The following CMYA5 variants were observed in gnomAD, a reference collection of about 807,000 sequenced individuals.
The protein encoded by CMYA5 is cardiomyopathy associated 5.
CMYA5 carries 246 observed loss-of-function variants against 318.9 expected under a neutral mutation model. The ratio of observed to expected loss-of-function variants is 0.77; its 90% CI spans 0.70 to 0.86. The LOEUF (loss-of-function observed/expected upper bound fraction) is 0.86, where lower values mean the gene tolerates loss of function less well. Among genes scored for constraint, CMYA5 ranks in the 40% least tolerant of loss-of-function variants. CMYA5 has a pLI of 0.00. For synonymous variants in CMYA5, 1,641 were observed against 1,729.5 expected, an observed-to-expected ratio of 0.95 and a Z score of 1.27; for missense variants, 4,589 against 4,678.2, an observed-to-expected ratio of 0.98 and a Z score of 0.56.
intron 2 of CMYA5, among the ~76,000 whole-genome samples, chr5:79,742,335 T>A (rs1227475979): frequency 6.6e-6 from 1 of 151,826 alleles, no homozygotes; most frequent in African/African-American, 2.4e-5. Flanking sequence ...TAGAGACACA[T>A]GCCATCACAC....
chr5:79,774,672 A>G (rs1580800892), intron 9 of CMYA5, among the ~76,000 whole-genome samples: 1 of 152,142 alleles, frequency 6.6e-6, no homozygotes, highest in Non-Finnish European at 1.5e-5. Flanking sequence ...CCTCCAGGGC[A>G]AGCATTTCCA....
chr5:79,746,499 G>C (rs998228541), intron 4 of CMYA5, among the ~76,000 whole-genome samples: 2 of 111,884 alleles, frequency 1.8e-5, no homozygotes. Flanking sequence ...CCTTATCTTT[G>C]TTCTGTAAGA....
At chr5:79,768,780 G>T (rs1828802408) in intron 9 of CMYA5, among the ~76,000 whole-genome samples, 1 of 152,080 alleles carries the variant, frequency 6.6e-6, no homozygotes, top group Admixed American at 6.5e-5. Context: ...TCTTGGGGTT[G>T]CTTTTCTCAA....
Position 79,730,143 on chromosome 5 carries a change from C to A in CMYA5, c.1378C>A (p.Leu460Met). The change falls in exon 2 of 13, where the codon CTG becomes ATG. Residue 460 changes from leucine (L) to methionine (M), a missense_variant. Physicochemically the swap from Leu to Met is conservative, Grantham distance 15. Around this residue, in one of 3 missense-constraint regions of CMYA5, gnomAD observed 2,132 missense variants for 2,131.3 expected, o/e 1.00. Transcript: ENST00000446378. The stretch of plus-strand genomic sequence containing the variant: ...GGACCCAGACCAAGAACAGCCGGAC[C>A]TGACTTCAATAGAAAGGGCAGAACC... ...GLDPDQEQPD[L>M]TSIERAEPVS... is the part of the protein sequence containing the mutation. 1 of 1,613,832 alleles carries A rather than the reference C, an allele frequency of 6.2e-7. No homozygotes were observed. Among genetic ancestry groups the A allele is most frequent in the Non-Finnish European group, 8.5e-7 (1 of 1,179,876 alleles).
Position 79,735,767 on chromosome 5 carries a change from T to C in CMYA5, c.7002T>C (p.Thr2334=). 1.3e-6 allele frequency: 2 copies of C among 1,572,008 alleles called. No homozygotes were observed. Among genetic ancestry groups the C allele is most frequent in the Non-Finnish European group, 1.7e-6 (2 of 1,165,734 alleles). The change falls in exon 2 of 13, where the codon ACT becomes ACC. Residue 2334 remains threonine (T), a synonymous_variant. Transcript: ENST00000446378. ...AATTGGTTATGGAAGAAGCCAAAAC[T>C]ATTGTTCCTCCTCATGTTACTGATA... ...GEKLVMEEAK[T]IVPPHVTDSK... is the part of the protein sequence containing the mutation.
chr5:79,737,234 A>G lies in CMYA5; in HGVS notation c.8469A>G (p.Gly2823=). The change falls in exon 2 of 13, where the codon GGA becomes GGG. Residue 2823 remains glycine (G), a synonymous_variant. Transcript: ENST00000446378. ...SPVKPQTLAS[G]ASPEINAVKK... ...TAAAACCACAAACTCTTGCTTCAGGAGCTTCTCCAGAAATTAACGCAGTGA... is the reference window on the plus strand; with the variant it reads ...TAAAACCACAAACTCTTGCTTCAGGGGCTTCTCCAGAAATTAACGCAGTGA... 1.2e-6 allele frequency: 2 copies of G among 1,613,734 alleles called. No individual in the cohort carries two copies. Among genetic ancestry groups the G allele is most frequent in the Non-Finnish European group, 1.7e-6 (2 of 1,179,774 alleles).
At chr5:79,693,335 A>C (rs953037615) in intron 1 of CMYA5, among the ~76,000 whole-genome samples, 1 of 104,736 alleles carries the variant, frequency 9.5e-6, no homozygotes, top group Non-Finnish European at 1.7e-5. Context: ...AAAGTCACAC[A>C]ATTTTTTTTT....
At chr5:79,751,432 A>G (rs1414294383) in intron 5 of CMYA5, among the ~76,000 whole-genome samples, 1 of 152,004 alleles carries the variant, frequency 6.6e-6, no homozygotes, top group African/African-American at 2.4e-5. Context: ...ACCCAGCCCA[A>G]ATGTTACCTC....
In CMYA5 at chr5:79,745,391, CCAAAGACA is replaced by C; in HGVS notation, c.10906_10913del (p.Lys3636ProfsTer12). On this transcript the variant is annotated frameshift_variant, in exon 4 of 13. Coordinates refer to ENST00000446378, the MANE Select transcript of CMYA5 (RefSeq NM_153610.5). LOFTEE classifies it high-confidence loss of function. ...CACTTTCTGCAGAGCATGGACACTG[CCAAAGACA>C]CCCTGGAGACCATCGTGAGAGAAGC... is the stretch of plus-strand genomic sequence containing the variant. The C allele has an allele frequency of 1.2e-6, 2 of 1,613,966 alleles. No individual in the cohort carries two copies. The highest frequency in any genetic ancestry group is 4.5e-5 in the East Asian group (2 of 44,874).
At chr5:79,701,184 G>T (rs983458012) in intron 1 of CMYA5, among the ~76,000 whole-genome samples, 1 of 152,000 alleles carries the variant, frequency 6.6e-6, no homozygotes. Flanking sequence ...AGCAGGTAGA[G>T]GTTGTAGTGA....
chr5:79,738,966 A>G lies in CMYA5; in HGVS notation c.10201A>G (p.Ile3401Val), dbSNP rs897319089. The change falls in exon 2 of 13, where the codon ATC becomes GTC. Residue 3401 changes from isoleucine (I) to valine (V), a missense_variant. Physicochemically the swap from Ile to Val is conservative, Grantham distance 29. Coordinates refer to ENST00000446378, the MANE Select transcript of CMYA5 (RefSeq NM_153610.5). ...AGAAACATCACTAGAAGAACCTAAA[A>G]TCCTGGTCCCACCTGAGCCAAGTGA... ...VQETSLEEPKILVPPEPSEER... is the reference protein window; with the variant it reads ...VQETSLEEPKVLVPPEPSEER... The G allele has an allele frequency of 2.7e-5, 44 of 1,613,742 alleles. No homozygotes were observed. In the Admixed American group the frequency reaches 7.3e-4, roughly 27 times the overall value.
intron 9 of CMYA5, among the ~76,000 whole-genome samples, chr5:79,773,777 C>CT (rs1354751571): frequency 6.6e-6 from 1 of 152,214 alleles, no homozygotes; most frequent in Non-Finnish European, 1.5e-5. Flanking sequence ...ATCTAACTGG[C>CT]TGGATCTCCA....
chr5:79,735,734 C>G lies in CMYA5; in HGVS notation c.6969C>G (p.Ile2323Met), dbSNP rs777639690. 4 of 1,595,346 alleles carry G rather than the reference C, an allele frequency of 2.5e-6. No individual in the cohort carries two copies. Among genetic ancestry groups the G allele is most frequent in the Non-Finnish European group, 3.4e-6 (4 of 1,174,258 alleles). ...ENLEIQSYSL[I>M]GEKLVMEEAK... ...TTGAAATTCAATCTTATTCACTAAT[C>G]GGTGAGAAATTGGTTATGGAAGAAG... The change falls in exon 2 of 13, where the codon ATC becomes ATG. Residue 2323 changes from isoleucine (I) to methionine (M), a missense_variant. Ile to Met is a conservative substitution (Grantham distance 10). Around this residue, in one of 3 missense-constraint regions of CMYA5, gnomAD observed 2,431 missense variants for 2,495.1 expected, o/e 0.97. Coordinates refer to ENST00000446378, the MANE Select transcript of CMYA5 (RefSeq NM_153610.5).
intron 1 of CMYA5, among the ~76,000 whole-genome samples, chr5:79,707,127 A>G (rs1006464057): frequency 6.6e-6 from 1 of 152,106 alleles, no homozygotes; most frequent in Non-Finnish European, 1.5e-5. Flanking sequence ...AAAGCTTTCT[A>G]GTTAGTATTT....
intron 9 of CMYA5, among the ~76,000 whole-genome samples, chr5:79,786,018 G>A (rs77679485): frequency 0.042 from 6,444 of 152,264 alleles, 413 homozygotes; most frequent in East Asian, 0.26. Context: ...CAGAGAAAGA[G>A]ACCATCTCTC....
At position 79,737,547 on chromosome 5, in the gene CMYA5, AC is replaced by A. The variant is rs554943427; in HGVS notation, c.8783del (p.Thr2928LysfsTer2). On this transcript the variant is annotated frameshift_variant, in exon 2 of 13. Coordinates refer to ENST00000446378, the MANE Select transcript of CMYA5 (RefSeq NM_153610.5). LOFTEE classifies it high-confidence loss of function. Reference sequence around the variant, plus strand: ...CACATATGCAAAAGGTGAAGACTTTACAGTGACTAGTAAGCCAGCCGGACTT... The same window carrying A: ...CACATATGCAAAAGGTGAAGACTTTAAGTGACTAGTAAGCCAGCCGGACTT... ...EDTYAKGEDF[T>X]VTSKPAGLSE... is the part of the protein sequence containing the mutation. The A allele has an allele frequency of 6.2e-7, 1 of 1,613,710 alleles. No homozygotes were observed. Among genetic ancestry groups the A allele is most frequent in the Non-Finnish European group, 8.5e-7 (1 of 1,179,780 alleles).
rs1402020175 is a variant in CMYA5, at chr5:79,731,761, C to T, written c.2996C>T (p.Ser999Phe). 2 of 1,613,462 alleles carry T rather than the reference C, an allele frequency of 1.2e-6. No individual in the cohort carries two copies. The highest frequency in any genetic ancestry group is 1.3e-5 in the African/African-American group (1 of 74,926). The change falls in exon 2 of 13, where the codon TCT (serine) becomes TTT (phenylalanine). Residue 999 changes from serine to phenylalanine, a missense_variant. This residue lies in a region of CMYA5 where 2,132 missense variants were observed against 2,131.3 expected (regional missense o/e 1.00). Transcript: ENST00000446378. The stretch of plus-strand genomic sequence containing the variant: ...GACACTGAAGAAGCGGAACTGTTCT[C>T]TCCAGACTCAGCATCACAAGTTTCA... ...DEDTEEAELF[S>F]PDSASQVSIP...
intron 9 of CMYA5, among the ~76,000 whole-genome samples, chr5:79,769,038 T>TTAAGTTGA (rs1828808255): frequency 6.6e-6 from 1 of 152,028 alleles, no homozygotes; most frequent in South Asian, 2.1e-4. Flanking sequence ...CTTTATTTGA[T>TTAAGTTGA]TAAGTTGATC....
chr5:79,724,430 C>T (rs549821985), intron 1 of CMYA5, among the ~76,000 whole-genome samples: 5 of 152,304 alleles, frequency 3.3e-5, no homozygotes, highest in African/African-American at 1.2e-4. Flanking sequence ...GGTTATCCTC[C>T]AAATGAAAGG....
Sources: allele counts gnomAD v4.1 joint callset (sites outside exome capture counted in the v4.1 genomes callset), GRCh38; gene constraint gnomAD v4.1.1; regional missense constraint gnomAD v4.1.1; transcripts MANE v1.5; gene names NCBI Gene and HGNC (gene_info 2026-07-23, HGNC 2026-07-21).